ATP6V1E2: variants seen among roughly 807,000 people sequenced by gnomAD.
ATP6V1E2 encodes the protein ATPase H+ transporting V1 subunit E2.
For missense variants in ATP6V1E2, 308 were observed against 273.3 expected, an observed-to-expected ratio of 1.13 and a Z score of -0.90; for synonymous variants, 121 against 104.2, an observed-to-expected ratio of 1.16 and a Z score of -0.98.
rs1313897073 is a variant in ATP6V1E2, at chr2:46,530,399, T to C, written c.-102+5414A>G. Among the ~76,000 whole-genome samples the C allele has an allele frequency of 1.3e-5, 2 of 152,146 alleles. No individual in the cohort carries two copies. Among genetic ancestry groups the C allele is most frequent in the Non-Finnish European group, 2.9e-5 (2 of 68,032 alleles). ...ACCTCTCAGGAACCAAGAACCATCATCCTCCTCCCTTCTCCAATATTCATT... is the reference window on the plus strand; with the variant it reads ...ACCTCTCAGGAACCAAGAACCATCACCCTCCTCCCTTCTCCAATATTCATT... On this transcript the variant is annotated intron_variant, in intron 4 of 4. Transcript: ENST00000522587. This position sits in a 1 kb window ranked among gnomAD's most constrained non-coding sequence, Gnocchi z 5.2.
intron 1 of ATP6V1E2, 105 bp from the exon 2 acceptor site, chr2:46,541,558 CT>C (rs1667772896): frequency 6.6e-6 from 1 of 152,238 alleles, no homozygotes; most frequent in Admixed American, 6.5e-5. Context: ...ACCGCTTCAC[CT>C]TTCTAGGTCT....
In ATP6V1E2 at chr2:46,533,398, G is replaced by A. The variant is rs536387602; in HGVS notation, c.-102+2415C>T. 2.0e-5 allele frequency among the ~76,000 whole-genome samples: 3 copies of A among 151,988 alleles called. No individual in the cohort carries two copies. In the South Asian group the frequency reaches 6.2e-4, roughly 32 times the overall value. ...AGTGATCTTTCCACCTCAGCCACCT[G>A]AGTAGCTGGGACTATAGGAGTGTGC... On this transcript the variant is annotated intron_variant, in intron 4 of 4. Transcript: ENST00000522587.
chr2:46,515,560 G>C (rs1256308608), intron 4 of ATP6V1E2, among the ~76,000 whole-genome samples: 3 of 152,080 alleles, frequency 2.0e-5, no homozygotes, highest in Non-Finnish European at 4.4e-5. Context: ...TTGGGGGCAG[G>C]TATGGGGGAG....
chr2:46,537,135 G>C (rs1203439825), intron 2 of ATP6V1E2, among the ~76,000 whole-genome samples: 2 of 152,098 alleles, frequency 1.3e-5, no homozygotes, highest in Non-Finnish European at 2.9e-5. Flanking sequence ...TAGGAACGTT[G>C]ACCCTTAGGC....
chr2:46,516,587 C>T (rs1281672456), intron 4 of ATP6V1E2, among the ~76,000 whole-genome samples: 1 of 151,946 alleles, frequency 6.6e-6, no homozygotes, highest in Non-Finnish European at 1.5e-5. Flanking sequence ...GAATGAGACC[C>T]TATCTCTAAA....
intron 4 of ATP6V1E2, chr2:46,527,811 GC>G (rs1306627296): frequency 6.6e-6 from 1 of 152,076 alleles, no homozygotes; most frequent in Admixed American, 6.5e-5. Flanking sequence ...GCACTTATTG[GC>G]CATTTGCTTA....
At chr2:46,519,606 G>A (rs896210) in intron 4 of ATP6V1E2, 77,427 of 152,066 alleles carry the variant, frequency 0.51, 20,069 homozygotes, top group East Asian at 0.82. Context: ...TACGACTTTG[G>A]CAAAGCAGTA....
chr2:46,525,391 G>A lies in ATP6V1E2; in HGVS notation c.-102+10422C>T, dbSNP rs563591132. On this transcript the variant is annotated intron_variant, in intron 4 of 4. Coordinates refer to ENST00000522587, the MANE Select transcript of ATP6V1E2 (RefSeq NM_001318063.2). ...GCAGGAGAATGGCGTGAACCCGGAA[G>A]GCGGAGCTTGCAGTGAGCCGAGATC... 9.3e-3 allele frequency among the ~76,000 whole-genome samples: 1,406 copies of A among 150,654 alleles called. 20 individuals carry two copies. Among genetic ancestry groups the A allele is most frequent in the African/African-American group, 0.031 (1,279 of 41,068 alleles).
chr2:46,520,166 C>G (rs1666537668), intron 4 of ATP6V1E2, among the ~76,000 whole-genome samples: 1 of 152,172 alleles, frequency 6.6e-6, no homozygotes, highest in Non-Finnish European at 1.5e-5. Flanking sequence ...CTCATTAGTG[C>G]TGGGACATGA....
At chr2:46,528,199 G>C (rs1667021304) in intron 4 of ATP6V1E2, among the ~76,000 whole-genome samples, 2 of 152,234 alleles carry the variant, frequency 1.3e-5, no homozygotes, top group African/African-American at 4.8e-5. Context: ...ATGTATTCCA[G>C]TTTACAATGA....
intron 4 of ATP6V1E2, among the ~76,000 whole-genome samples, chr2:46,527,460 AT>A (rs1283901150): frequency 3.3e-5 from 5 of 152,128 alleles, no homozygotes; most frequent in Non-Finnish European, 4.4e-5. Flanking sequence ...TGACCTCGTG[AT>A]CTGCCCACCT....
intron 4 of ATP6V1E2, among the ~76,000 whole-genome samples, chr2:46,515,543 C>G (rs1361427092): frequency 6.6e-6 from 1 of 151,778 alleles, no homozygotes; most frequent in African/African-American, 2.4e-5. Context: ...TATGTTGCCA[C>G]CAGGGGTTGG....
intron 4 of ATP6V1E2, among the ~76,000 whole-genome samples, chr2:46,515,181 G>A (rs1228600142): frequency 1.3e-5 from 2 of 152,200 alleles, no homozygotes; most frequent in African/African-American, 4.8e-5. Context: ...GCATATGAAA[G>A]TGTAAAGCTC....
chr2:46,522,353 T>G (rs1364416784), intron 4 of ATP6V1E2, among the ~76,000 whole-genome samples: 1 of 151,652 alleles, frequency 6.6e-6, no homozygotes, highest in East Asian at 1.9e-4. Flanking sequence ...TCATAGTGGT[T>G]TGCTGCACTT....
chr2:46,518,558 A>G (rs943301972), intron 4 of ATP6V1E2, among the ~76,000 whole-genome samples: 1 of 149,972 alleles, frequency 6.7e-6, no homozygotes, highest in Non-Finnish European at 1.5e-5. Flanking sequence ...CCACTTCCCA[A>G]GCTTGGTGGA....
chr2:46,527,689 T>G (rs757415085), intron 4 of ATP6V1E2, among the ~76,000 whole-genome samples: 13 of 152,242 alleles, frequency 8.5e-5, no homozygotes, highest in South Asian at 6.2e-4. Context: ...TGTTGTTGTT[T>G]TTTGTTTTTA....
chr2:46,513,376 G>C (rs1433661555), intron 4 of ATP6V1E2, among the ~76,000 whole-genome samples: 2 of 152,212 alleles, frequency 1.3e-5, no homozygotes. Flanking sequence ...TGCACTTGAG[G>C]AGAATGTGCA....
In ATP6V1E2 at chr2:46,512,613, C is replaced by T; in HGVS notation, c.99G>A (p.Lys33=). The T allele has an allele frequency of 6.2e-7, 1 of 1,614,222 alleles. No individual in the cohort carries two copies. The highest frequency in any genetic ancestry group is 8.5e-7 in the Non-Finnish European group (1 of 1,180,040). ...ANEKAEEIDA[K]AEEEFNIEKG... Reference sequence around the variant, plus strand: ...TCTCAATGTTAAACTCTTCCTCAGCCTTGGCATCGATTTCCTCTGCTTTCT... The same window carrying T: ...TCTCAATGTTAAACTCTTCCTCAGCTTTGGCATCGATTTCCTCTGCTTTCT... Residue 33 remains lysine, a synonymous_variant, in exon 5 of 5, where the codon AAG becomes AAA. Transcript: ENST00000522587.
chr2:46,511,922 G>C lies in ATP6V1E2; in HGVS notation c.*109C>G, dbSNP rs777419026. 3.3e-5 allele frequency: 33 copies of C among 987,548 alleles called. No homozygotes were observed. The highest frequency in any genetic ancestry group is 4.5e-5 in the Non-Finnish European group (31 of 686,344). 61.2% of individuals were successfully genotyped at this position (987,548 alleles called of 1,614,324 possible). A position where few individuals can be genotyped will look rare whatever the true frequency, so the allele number is the denominator to read the frequency against. Reference sequence around the variant, plus strand: ...AAAGGGTATTTCGTGAAGAAAAACAGAACAGTATCAGAGCATCAAAGAGGA... The same window carrying C: ...AAAGGGTATTTCGTGAAGAAAAACACAACAGTATCAGAGCATCAAAGAGGA... On this transcript the variant is annotated 3_prime_UTR_variant, in exon 5 of 5. Coordinates refer to ENST00000522587, the MANE Select transcript of ATP6V1E2 (RefSeq NM_001318063.2).
Sources: allele counts gnomAD v4.1 joint callset (sites outside exome capture counted in the v4.1 genomes callset), GRCh38; gene constraint gnomAD v4.1.1; non-coding constraint Gnocchi (gnomAD v3.1); transcripts MANE v1.5; gene names NCBI Gene and HGNC (gene_info 2026-07-23, HGNC 2026-07-21).